The following SSBP3 variants were observed in gnomAD, a reference collection of about 807,000 sequenced individuals.
The protein encoded by SSBP3 is single-stranded DNA-binding protein 3.
Under a neutral mutation model 69.6 loss-of-function variants are expected in SSBP3, and 5 were observed. The observed-to-expected ratio is 0.07, with a 90% confidence interval of 0.04 to 0.15. SSBP3 has a LOEUF of 0.15. SSBP3 is among the 10% of genes least tolerant of loss of function. The pLI, the probability that SSBP3 is intolerant of heterozygous loss-of-function variation, is 1.00. For synonymous variants in SSBP3, 196 were observed against 193.4 expected (o/e 1.01, Z -0.11); for missense variants, 312 against 534.0 (o/e 0.58, Z 4.10).
intron 6 of SSBP3, among the ~76,000 whole-genome samples, chr1:54,257,642 T>G (rs72910035): frequency 6.4e-4 from 97 of 151,882 alleles, no homozygotes; most frequent in African/African-American, 2.3e-3. Flanking sequence ...GAGCAAGGAC[T>G]GGGGGGGAAA....
At chr1:54,373,860 A>G (rs6588512) in intron 4 of SSBP3, among the ~76,000 whole-genome samples, 91,558 of 151,746 alleles carry the variant, frequency 0.6, 28,921 homozygotes, top group African/African-American at 0.78. Flanking sequence ...TGCTTGAGGA[A>G]AGTGTCTGAG....
intron 5 of SSBP3, among the ~76,000 whole-genome samples, chr1:54,260,300 G>A (rs974330247): frequency 5.9e-5 from 9 of 152,260 alleles, no homozygotes; most frequent in African/African-American, 1.9e-4. Context: ...CAAGAAGGGA[G>A]TGCCTCCTCC....
intron 4 of SSBP3, among the ~76,000 whole-genome samples, chr1:54,341,952 G>C (rs1230283888): frequency 6.6e-6 from 1 of 152,208 alleles, no homozygotes; most frequent in African/African-American, 2.4e-5. Flanking sequence ...AGCCCAATGT[G>C]GCTGGAGGGC....
intron 1 of SSBP3, among the ~76,000 whole-genome samples, chr1:54,405,203 G>A (rs1649632300): frequency 6.6e-6 from 1 of 152,136 alleles, no homozygotes. Flanking sequence ...ACCCACCTAG[G>A]TTCCTCAAAC....
At chr1:54,295,847 T>A (rs936611686) in intron 4 of SSBP3, among the ~76,000 whole-genome samples, 1 of 152,090 alleles carries the variant, frequency 6.6e-6, no homozygotes, top group Admixed American at 6.6e-5. Flanking sequence ...TTCTAACATA[T>A]CCCTTAGGCT....
intron 7 of SSBP3, among the ~76,000 whole-genome samples, chr1:54,253,755 T>TC (rs1644871768): frequency 6.6e-6 from 1 of 152,166 alleles, no homozygotes; most frequent in Non-Finnish European, 1.5e-5. Context: ...TGGAGGTGGA[T>TC]GGGGGACCTT....
chr1:54,294,151 AAAAAAAAAAAAGAAAGAAAGAAAG>A (rs1645657715), intron 4 of SSBP3, among the ~76,000 whole-genome samples: 2 of 99,882 alleles, frequency 2.0e-5, no homozygotes, highest in African/African-American at 7.1e-5. Context: ...TCAAAAAAAA[AAAAAAAAAAAAGAAAGAAAGAAAG>A]AAAGAAAGAA....
At chr1:54,327,566 T>G (rs1646332971) in intron 4 of SSBP3, among the ~76,000 whole-genome samples, 1 of 152,136 alleles carries the variant, frequency 6.6e-6, no homozygotes, top group Non-Finnish European at 1.5e-5. Context: ...ATTTCTTTCT[T>G]TCTTTCCCTT....
At chr1:54,362,652 G>A (rs1337411316) in intron 4 of SSBP3, among the ~76,000 whole-genome samples, 6 of 152,168 alleles carry the variant, frequency 3.9e-5, no homozygotes, top group South Asian at 2.1e-4. Flanking sequence ...ATAAGCTCCC[G>A]GCCTTGAAAG....
chr1:54,240,123 A>AGCG lies in SSBP3; in HGVS notation c.856+781_856+782insCGC, dbSNP rs1557449311. On this transcript the variant is annotated intron_variant, in intron 13 of 17. Coordinates refer to ENST00000610401, the Ensembl canonical transcript of SSBP3. ...GCGTGTGCGTGCGCGCGCGCGCGCA[A>AGCG]CACATGCCCACGTATGTGCACGCAT... 6.7e-3 allele frequency among the ~76,000 whole-genome samples: 70 copies of AGCG among 10,454 alleles called. 1 individual carries two copies. Among genetic ancestry groups the AGCG allele is most frequent in the South Asian group, 0.055 (25 of 454 alleles). The allele number at this position is 10,454 out of a possible 152,430, so 6.9% of individuals were successfully genotyped here.
At chr1:54,233,391 C>T (rs1442525547) in intron 14 of SSBP3, among the ~76,000 whole-genome samples, 3 of 151,266 alleles carry the variant, frequency 2.0e-5, no homozygotes, top group African/African-American at 7.3e-5. Flanking sequence ...CGGCAGCTGC[C>T]CCGTCTGAGA....
intron 4 of SSBP3, among the ~76,000 whole-genome samples, chr1:54,291,835 C>T (rs1645614048): frequency 6.6e-6 from 1 of 152,256 alleles, no homozygotes; most frequent in Non-Finnish European, 1.5e-5. Flanking sequence ...CCACGCCCAG[C>T]TGTCAGGCAA....
At chr1:54,255,525 A>T (rs1644905909) in intron 7 of SSBP3, 1 of 152,146 alleles carries the variant, frequency 6.6e-6, no homozygotes, top group Non-Finnish European at 1.5e-5. Context: ...AGTAGAGTAC[A>T]ATTAGCACTG....
intron 4 of SSBP3, among the ~76,000 whole-genome samples, chr1:54,299,058 C>T (rs1645753623): frequency 6.6e-6 from 1 of 152,006 alleles, no homozygotes; most frequent in African/African-American, 2.4e-5. Flanking sequence ...GGTTCAGTCC[C>T]ACTGAGGGTT....
upstream of SSBP3, among the ~76,000 whole-genome samples, chr1:54,409,604 T>C (rs368035294): frequency 1.3e-5 from 2 of 152,106 alleles, no homozygotes; most frequent in South Asian, 2.1e-4. Flanking sequence ...ATAAGGCCAC[T>C]CCCTCGGCTC....
At chr1:54,263,211 C>G (rs1645045230) in intron 5 of SSBP3, among the ~76,000 whole-genome samples, 1 of 152,156 alleles carries the variant, frequency 6.6e-6, no homozygotes, top group African/African-American at 2.4e-5. Flanking sequence ...CAGAGCATTC[C>G]CACTGTAAAA....
chr1:54,307,939 T>G (rs1645930287), intron 4 of SSBP3, among the ~76,000 whole-genome samples: 1 of 152,160 alleles, frequency 6.6e-6, no homozygotes, highest in African/African-American at 2.4e-5. Context: ...TAACCATTCT[T>G]TTATTCCTTT....
rs1381490059 is a variant in SSBP3 at position 54,394,674 on chromosome 1, CTCACTGTCTCCTTAAGACTCCTT to C, written c.276+7164_276+7186del. Among the ~76,000 whole-genome samples, 278 of 150,378 alleles carry C rather than the reference CTCACTGTCTCCTTAAGACTCCTT, an allele frequency of 1.8e-3. 3 individuals carry two copies. In the South Asian group the frequency reaches 0.023, roughly 12 times the overall value. On this transcript the variant is annotated intron_variant, in intron 4 of 17. Transcript: ENST00000610401. ...CATGGCTGACACTTCCCTTCTCAAG[CTCACTGTCTCCTTAAGACTCCTT>C]TTTTTTTTTTTTTTTTTTTTTTTGA...
intron 9 of SSBP3, among the ~76,000 whole-genome samples, chr1:54,245,766 G>A (rs1198567812): frequency 1.3e-5 from 2 of 152,242 alleles, no homozygotes; most frequent in Non-Finnish European, 2.9e-5. Context: ...TCTACCACAG[G>A]GTGAAGAGCA....
Sources: gnomAD v4.1 joint callset for allele counts (sites outside exome capture counted in the v4.1 genomes callset) on GRCh38, gnomAD v4.1.1 for gene constraint, MANE v1.5 for transcripts, NCBI Gene and HGNC (gene_info 2026-07-23, HGNC 2026-07-21) for gene names.